The following PDCD10 variants were observed in gnomAD, a reference collection of about 807,000 sequenced individuals.
PDCD10 encodes programmed cell death 10, also known as programmed cell death protein 10.
In PDCD10, 4 loss-of-function variants were observed where a neutral mutation model predicts 29.2. That is an observed-to-expected ratio of 0.14 (90% CI 0.07 to 0.31). PDCD10 has a LOEUF of 0.31. PDCD10 is among the 10% of genes least tolerant of loss of function. The pLI is 1.00. For missense variants in PDCD10, 183 were observed against 257.9 expected (o/e 0.71, Z 1.99); for synonymous variants, 70 against 82.2 (o/e 0.85, Z 0.80).
chr3:167,713,020 C>T (rs932156951), intron 3 of PDCD10, among the ~76,000 whole-genome samples: 7 of 152,176 alleles, frequency 4.6e-5, no homozygotes, highest in African/African-American at 1.7e-4. Context: ...GACTTCACCA[C>T]CCAACTTTCA....
At chr3:167,702,497 T>C (rs1257837327) in intron 4 of PDCD10, among the ~76,000 whole-genome samples, 1 of 152,208 alleles carries the variant, frequency 6.6e-6, no homozygotes, top group East Asian at 1.9e-4. Flanking sequence ...AGTAGGCTTT[T>C]AGTAGTTAAG....
intron 3 of PDCD10, among the ~76,000 whole-genome samples, chr3:167,705,252 A>G (rs554503963): frequency 6.6e-6 from 1 of 152,314 alleles, no homozygotes; most frequent in Admixed American, 6.5e-5. Context: ...TTCCATTTGT[A>G]AAGAGTTAAC....
intron 4 of PDCD10, among the ~76,000 whole-genome samples, chr3:167,698,184 G>T (rs543889012): frequency 6.6e-6 from 1 of 152,208 alleles, no homozygotes; most frequent in South Asian, 2.1e-4. Context: ...AAAACTGAAG[G>T]GTTGTGGGAT....
intron 3 of PDCD10, among the ~76,000 whole-genome samples, chr3:167,715,511 A>G (rs1047622121): frequency 6.6e-6 from 1 of 151,866 alleles, no homozygotes; most frequent in East Asian, 1.9e-4. Context: ...CTGTCACTCT[A>G]ACAAGGGATT....
At chr3:167,730,025 G>C (rs995943216) in intron 2 of PDCD10, among the ~76,000 whole-genome samples, 1 of 152,024 alleles carries the variant, frequency 6.6e-6, no homozygotes, top group Non-Finnish European at 1.5e-5. Context: ...AAAAATGTAA[G>C]GGTGAGCTTG....
intron 2 of PDCD10, among the ~76,000 whole-genome samples, chr3:167,722,306 A>G (rs960194748): frequency 6.6e-6 from 1 of 152,198 alleles, no homozygotes; most frequent in African/African-American, 2.4e-5. Flanking sequence ...TATTAAATAT[A>G]GAGCAGTGAA....
chr3:167,716,664 A>C (rs926025273), intron 3 of PDCD10, among the ~76,000 whole-genome samples: 1 of 151,944 alleles, frequency 6.6e-6, no homozygotes, highest in African/African-American at 2.4e-5. Flanking sequence ...ACTAGGAAAA[A>C]TTAAGAGTTC....
At chr3:167,714,749 CT>C (rs1471733784) in intron 3 of PDCD10, among the ~76,000 whole-genome samples, 3 of 151,666 alleles carry the variant, frequency 2.0e-5, no homozygotes, top group Non-Finnish European at 4.4e-5. Context: ...ACTAAAAGAC[CT>C]TTACAATGAA....
intron 3 of PDCD10, among the ~76,000 whole-genome samples, chr3:167,707,177 T>C (rs1029336918): frequency 1.3e-5 from 2 of 152,220 alleles, no homozygotes; most frequent in Admixed American, 1.3e-4. Context: ...TTTGAACTGA[T>C]CTTTAAAAAG....
intron 2 of PDCD10, among the ~76,000 whole-genome samples, chr3:167,726,114 GT>G (rs751342370): frequency 0.013 from 1,107 of 85,788 alleles, 1 homozygote; most frequent in African/African-American, 0.031. Flanking sequence ...GTAGAGTACT[GT>G]TTTTTTTTTT....
intron 6 of PDCD10, among the ~76,000 whole-genome samples, chr3:167,694,810 CAT>C (rs1239084435): frequency 2.6e-5 from 4 of 152,242 alleles, no homozygotes; most frequent in Non-Finnish European, 4.4e-5. Context: ...AAAGTTACCA[CAT>C]ATGTCACAGC....
intron 4 of PDCD10, among the ~76,000 whole-genome samples, chr3:167,699,452 G>A (rs996063744): frequency 6.6e-6 from 1 of 152,190 alleles, no homozygotes; most frequent in East Asian, 1.9e-4. Context: ...GGAAGGAGTA[G>A]TCTCAGTACC....
intron 8 of PDCD10, 77 bp downstream of exon 8, chr3:167,687,157 T>C (rs1419921607): frequency 1.3e-6 from 1 of 765,928 alleles, no homozygotes; most frequent in Non-Finnish European, 2.3e-6. Flanking sequence ...AAGGGCTTAA[T>C]TTATGTGGTT....
intron 3 of PDCD10, among the ~76,000 whole-genome samples, chr3:167,716,959 T>C (rs1723090447): frequency 6.6e-6 from 1 of 152,028 alleles, no homozygotes; most frequent in Admixed American, 6.6e-5. Flanking sequence ...CTCCCCGATA[T>C]ACAAAGAATC....
chr3:167,705,673 C>T (rs79327230), intron 3 of PDCD10, among the ~76,000 whole-genome samples: 201 of 152,204 alleles, frequency 1.3e-3, no homozygotes, highest in African/African-American at 4.6e-3. Flanking sequence ...AACAATGAAC[C>T]ATTTAGCTTA....
At chr3:167,692,026 A>C (rs1022596696) in intron 6 of PDCD10, among the ~76,000 whole-genome samples, 1 of 152,228 alleles carries the variant, frequency 6.6e-6, no homozygotes, top group African/African-American at 2.4e-5. Context: ...TACTTCGATG[A>C]TCTGAAGCAA....
chr3:167,728,057 G>C (rs1724402225), intron 2 of PDCD10, among the ~76,000 whole-genome samples: 3 of 152,188 alleles, frequency 2.0e-5, no homozygotes, highest in African/African-American at 7.2e-5. Context: ...GATAGTATCT[G>C]TTTTTACTGC....
Position 167,703,755 on chromosome 3 carries a change from C to T in PDCD10, c.150+1087G>A, listed in dbSNP as rs577127752. ...AAGTCTCTAGAGTAGGGCTGTACAACAGAAATGTAATATCAGCAACAACTA... is the reference window on the plus strand; with the variant it reads ...AAGTCTCTAGAGTAGGGCTGTACAATAGAAATGTAATATCAGCAACAACTA... On this transcript the variant is annotated intron_variant, in intron 4 of 8. Transcript: ENST00000392750. Among the ~76,000 whole-genome samples, 3 of 151,968 alleles carry T rather than the reference C, an allele frequency of 2.0e-5. No homozygotes were observed. In the South Asian group the frequency reaches 6.2e-4, roughly 32 times the overall value.
At chr3:167,711,140 A>G (rs1349216412) in intron 3 of PDCD10, among the ~76,000 whole-genome samples, 1 of 152,192 alleles carries the variant, frequency 6.6e-6, no homozygotes, top group East Asian at 1.9e-4. Flanking sequence ...AAGCATCAAG[A>G]CCATCCAGAA....
Sources: allele counts gnomAD v4.1 joint callset (sites outside exome capture counted in the v4.1 genomes callset), GRCh38; gene constraint gnomAD v4.1.1; transcripts MANE v1.5; gene names NCBI Gene and HGNC (gene_info 2026-07-23, HGNC 2026-07-21).